Variants in EXOC4 observed in about 807,000 individuals in gnomAD.
The protein encoded by EXOC4 is SEC8-like 1.
EXOC4 carries 71 observed loss-of-function variants against 107.2 expected under a neutral mutation model. That is an observed-to-expected ratio of 0.66 (90% CI 0.55 to 0.81). The LOEUF (loss-of-function observed/expected upper bound fraction) is 0.81, where lower values mean the gene tolerates loss of function less well. EXOC4 is among the 30% of genes least tolerant of loss of function. EXOC4 has a pLI of 0.00. For synonymous variants in EXOC4, 456 were observed against 441.2 expected (o/e 1.03, Z -0.42); for missense variants, 1,108 against 1,189.6 (o/e 0.93, Z 1.01).
At chr7:133,791,797 A>C (rs1463920159) in intron 10 of EXOC4, among the ~76,000 whole-genome samples, 1 of 152,198 alleles carries the variant, frequency 6.6e-6, no homozygotes, top group African/African-American at 2.4e-5. Context: ...TATGTTATTG[A>C]AAATAGATCA....
At chr7:133,981,017 C>T (rs1307607878) in intron 14 of EXOC4, among the ~76,000 whole-genome samples, 1 of 152,200 alleles carries the variant, frequency 6.6e-6, no homozygotes, top group Non-Finnish European at 1.5e-5. Context: ...TATCTTCACC[C>T]CATGCTGAGA....
chr7:133,492,395 G>A (rs1225752006), intron 9 of EXOC4, among the ~76,000 whole-genome samples: 1 of 152,170 alleles, frequency 6.6e-6, no homozygotes. Flanking sequence ...TGGAGTGTTA[G>A]ATAGGGGTAA....
intron 10 of EXOC4, among the ~76,000 whole-genome samples, chr7:133,666,055 C>G (rs1793805702): frequency 6.6e-6 from 1 of 152,122 alleles, no homozygotes; most frequent in African/African-American, 2.4e-5. Context: ...ACTTTTATAG[C>G]ATGGCATAAA....
chr7:134,044,814 C>CA (rs1254853379), intron 17 of EXOC4, among the ~76,000 whole-genome samples: 1 of 152,216 alleles, frequency 6.6e-6, no homozygotes, highest in Non-Finnish European at 1.5e-5. Flanking sequence ...AGGGCTTTCA[C>CA]AAATATGATT....
intron 10 of EXOC4, chr7:133,733,562 T>C (rs1795373767): frequency 6.6e-6 from 1 of 152,218 alleles, no homozygotes; most frequent in Admixed American, 6.5e-5. Flanking sequence ...TTTTTGCCAC[T>C]TTTTGTAAGG....
intron 10 of EXOC4, among the ~76,000 whole-genome samples, chr7:133,654,183 C>G (rs1174100626): frequency 1.3e-5 from 2 of 152,046 alleles, no homozygotes; most frequent in African/African-American, 4.8e-5. Context: ...AAAGAATATA[C>G]CTTAGTAGGA....
chr7:134,067,956 T>C (rs57582231), downstream of EXOC4, among the ~76,000 whole-genome samples: 109 of 152,304 alleles, frequency 7.2e-4, no homozygotes, highest in African/African-American at 2.6e-3. Context: ...CACACTGATT[T>C]CATCCCAATA....
intron 5 of EXOC4, among the ~76,000 whole-genome samples, chr7:133,343,571 C>T (rs766086779): frequency 9.2e-5 from 14 of 151,858 alleles, no homozygotes; most frequent in South Asian, 2.1e-4. Context: ...GCCACGCACT[C>T]GACTTAATCT....
intron 17 of EXOC4, among the ~76,000 whole-genome samples, chr7:134,056,307 T>C (rs1000598839): frequency 6.6e-6 from 1 of 152,194 alleles, no homozygotes; most frequent in Non-Finnish European, 1.5e-5. Flanking sequence ...CACCTTTTGA[T>C]AATCAAAAGA....
At chr7:133,639,641 T>A (rs1237821670) in intron 10 of EXOC4, among the ~76,000 whole-genome samples, 2 of 152,080 alleles carry the variant, frequency 1.3e-5, no homozygotes, top group African/African-American at 4.8e-5. Flanking sequence ...AAGTTTTAGT[T>A]TTTAATTACC....
the EXOC4 span, among the ~76,000 whole-genome samples, chr7:134,076,878 A>G: frequency 3.9e-5 from 6 of 152,094 alleles, no homozygotes; most frequent in Admixed American, 3.3e-4. Context: ...TGGCTTTACA[A>G]TGGTTCAAAA....
At chr7:134,090,956 C>T in the EXOC4 span, among the ~76,000 whole-genome samples, 1 of 151,952 alleles carries the variant, frequency 6.6e-6, no homozygotes, top group South Asian at 2.1e-4. Context: ...AACCCAATCC[C>T]ATTCTTTACC....
chr7:133,541,283 C>T (rs1205600546), intron 9 of EXOC4, among the ~76,000 whole-genome samples: 1 of 152,092 alleles, frequency 6.6e-6, no homozygotes, highest in Non-Finnish European at 1.5e-5. Flanking sequence ...AAATGGCCTT[C>T]AGCTTAATTT....
At chr7:133,329,486 C>T (rs1253089661) in intron 5 of EXOC4, among the ~76,000 whole-genome samples, 1 of 152,196 alleles carries the variant, frequency 6.6e-6, no homozygotes, top group Non-Finnish European at 1.5e-5. Context: ...AGTTGTGATC[C>T]TTAGGAGAAG....
intron 2 of EXOC4, among the ~76,000 whole-genome samples, chr7:133,284,511 G>C (rs987708813): frequency 1.3e-5 from 2 of 152,096 alleles, no homozygotes; most frequent in Admixed American, 1.3e-4. Context: ...GAATGGCTTT[G>C]AGAGATATGT....
chr7:133,861,828 C>T (rs975729291), intron 11 of EXOC4, among the ~76,000 whole-genome samples: 1 of 152,196 alleles, frequency 6.6e-6, no homozygotes, highest in African/African-American at 2.4e-5. Context: ...GCCACCTCGT[C>T]TGGCAAGGAA....
the EXOC4 span, among the ~76,000 whole-genome samples, chr7:134,086,027 A>G: frequency 5.9e-5 from 9 of 152,334 alleles, no homozygotes; most frequent in East Asian, 1.9e-4. Context: ...GTGCCCCAAC[A>G]CACAGCTAAC....
intron 7 of EXOC4, among the ~76,000 whole-genome samples, chr7:133,451,814 T>C (rs1798354415): frequency 6.6e-6 from 1 of 152,124 alleles, no homozygotes; most frequent in South Asian, 2.1e-4. Context: ...AGTGTGTTGG[T>C]AGGGTAGACC....
At chr7:133,897,447 A>G (rs1361570649) in intron 12 of EXOC4, among the ~76,000 whole-genome samples, 1 of 152,178 alleles carries the variant, frequency 6.6e-6, no homozygotes, top group Non-Finnish European at 1.5e-5. Context: ...TGGTAACAGA[A>G]AATTTAAAGT....
Sources: gnomAD v4.1 joint callset for allele counts (sites outside exome capture counted in the v4.1 genomes callset) on GRCh38, gnomAD v4.1.1 for gene constraint, MANE v1.5 for transcripts, NCBI Gene and HGNC (gene_info 2026-07-23, HGNC 2026-07-21) for gene names.